KCNQ5: variants seen among roughly 807,000 people sequenced by gnomAD.
The protein encoded by KCNQ5 is potassium voltage-gated channel subfamily Q member 5, also known as potassium voltage-gated channel subfamily KQT member 5.
In KCNQ5, 30 loss-of-function variants were observed where a neutral mutation model predicts 98.2. That is an observed-to-expected ratio of 0.31 (90% CI 0.23 to 0.41). The LOEUF is 0.41. Among genes scored for constraint, KCNQ5 ranks in the 10% least tolerant of loss-of-function variants. The pLI is 1.00. For missense variants in KCNQ5, 835 were observed against 1,182.5 expected (o/e 0.71, Z 4.31); for synonymous variants, 458 against 449.4 (o/e 1.02, Z -0.24).
rs138409899 is a variant in KCNQ5 at position 72,734,235 on chromosome 6, T to A, written c.398+111648T>A. On this transcript the variant is annotated intron_variant, in intron 1 of 13. Coordinates refer to ENST00000370398, the MANE Select transcript of KCNQ5 (RefSeq NM_019842.4). The stretch of plus-strand genomic sequence containing the variant: ...CAAGTTCAAGACTGAAAAATGTTAT[T>A]TAATTGAATGTTAAATTGTTATTGC... 3.9e-3 allele frequency among the ~76,000 whole-genome samples: 593 copies of A among 152,346 alleles called. 4 individuals are homozygous for A. Among genetic ancestry groups the A allele is most frequent in the African/African-American group, 0.014 (563 of 41,580 alleles).
chr6:72,936,132 C>T (rs1159246031), intron 1 of KCNQ5, among the ~76,000 whole-genome samples: 1 of 152,108 alleles, frequency 6.6e-6, no homozygotes, highest in African/African-American at 2.4e-5. Context: ...GTCTGAGAGT[C>T]TTCTCAAACT....
chr6:73,180,086 T>C (rs942066485), intron 11 of KCNQ5, among the ~76,000 whole-genome samples: 1 of 152,210 alleles, frequency 6.6e-6, no homozygotes, highest in Non-Finnish European at 1.5e-5. Flanking sequence ...GGAGCTTATC[T>C]AGAGAGCTCC....
intron 1 of KCNQ5, among the ~76,000 whole-genome samples, chr6:72,913,868 G>A (rs1780035474): frequency 6.6e-6 from 1 of 152,194 alleles, no homozygotes; most frequent in Non-Finnish European, 1.5e-5. Context: ...ATAAAGAGTG[G>A]ACAGTCCTGA....
chr6:72,895,633 A>C (rs969684714), intron 1 of KCNQ5, among the ~76,000 whole-genome samples: 1 of 149,956 alleles, frequency 6.7e-6, no homozygotes, highest in African/African-American at 2.4e-5. Context: ...CCACTGAGGA[A>C]TATGTATAAT....
chr6:72,986,148 T>C (rs1323288521), intron 1 of KCNQ5, among the ~76,000 whole-genome samples: 1 of 152,148 alleles, frequency 6.6e-6, no homozygotes, highest in Non-Finnish European at 1.5e-5. Flanking sequence ...GAGAATCGCT[T>C]GAACCCAGCA....
chr6:72,639,106 T>C (rs1490290027), intron 1 of KCNQ5, among the ~76,000 whole-genome samples: 2 of 152,092 alleles, frequency 1.3e-5, no homozygotes, highest in Non-Finnish European at 1.5e-5. Flanking sequence ...GTTACCAATG[T>C]AGAGTGATGG....
chr6:72,917,459 A>AT (rs574274269), intron 1 of KCNQ5, among the ~76,000 whole-genome samples: 2 of 107,840 alleles, frequency 1.9e-5, no homozygotes, highest in East Asian at 4.0e-4. Flanking sequence ...TTTTATTTTT[A>AT]TTTTATTTTA....
chr6:73,118,046 GTTT>G (rs11340160), intron 7 of KCNQ5, among the ~76,000 whole-genome samples: 1 of 152,000 alleles, frequency 6.6e-6, no homozygotes, highest in Non-Finnish European at 1.5e-5. Context: ...TATTTTTCTA[GTTT>G]TTTTATGTCA....
intron 1 of KCNQ5, among the ~76,000 whole-genome samples, chr6:72,719,370 A>G (rs553451560): frequency 1.3e-5 from 2 of 152,282 alleles, no homozygotes; most frequent in African/African-American, 2.4e-5. Context: ...CCCCTCTCTC[A>G]TGGGTTTCTC....
At chr6:73,075,531 T>G (rs962992273) in intron 3 of KCNQ5, among the ~76,000 whole-genome samples, 1 of 152,068 alleles carries the variant, frequency 6.6e-6, no homozygotes, top group Non-Finnish European at 1.5e-5. Context: ...TAGTCTCAAA[T>G]TTTTTTCCTA....
intron 1 of KCNQ5, among the ~76,000 whole-genome samples, chr6:72,683,095 G>A (rs1469702343): frequency 1.3e-5 from 2 of 152,136 alleles, no homozygotes; most frequent in African/African-American, 4.8e-5. Context: ...TGCTTCACCT[G>A]TTTTACCACA....
chr6:72,689,103 G>A (rs929524792), intron 1 of KCNQ5, among the ~76,000 whole-genome samples: 1 of 152,180 alleles, frequency 6.6e-6, no homozygotes, highest in African/African-American at 2.4e-5. Flanking sequence ...CCTATTTGCA[G>A]TTAATTTTGA....
intron 1 of KCNQ5, among the ~76,000 whole-genome samples, chr6:72,997,367 T>C (rs1162626890): frequency 6.6e-6 from 1 of 152,014 alleles, no homozygotes; most frequent in Non-Finnish European, 1.5e-5. Flanking sequence ...TTTAAAGAAA[T>C]ACTCTAAGCA....
intron 11 of KCNQ5, among the ~76,000 whole-genome samples, chr6:73,181,069 A>G (rs975134388): frequency 2.0e-5 from 3 of 152,190 alleles, no homozygotes; most frequent in Non-Finnish European, 2.9e-5. Context: ...ATAAGTGCAC[A>G]TGTGTTCGTG....
intron 10 of KCNQ5, chr6:73,158,215 T>G (rs6453648): frequency 4.4e-6 from 1 of 227,906 alleles, no homozygotes; most frequent in Non-Finnish European, 8.7e-6. Context: ...CCCAGCGTTG[T>G]GTGGGCATGG....
At chr6:73,119,573 CCTGTTT>C (rs1393917315) in intron 7 of KCNQ5, among the ~76,000 whole-genome samples, 1 of 152,176 alleles carries the variant, frequency 6.6e-6, no homozygotes, top group Non-Finnish European at 1.5e-5. Context: ...TTTTCCCCAT[CCTGTTT>C]TAGTTCTGCT....
intron 1 of KCNQ5, among the ~76,000 whole-genome samples, chr6:72,640,009 A>G (rs1040941387): frequency 1.3e-5 from 2 of 152,186 alleles, no homozygotes; most frequent in African/African-American, 4.8e-5. Context: ...ACATTAAGAG[A>G]TAAATAACGC....
At chr6:72,654,859 GA>G (rs1162988978) in intron 1 of KCNQ5, among the ~76,000 whole-genome samples, 1 of 151,998 alleles carries the variant, frequency 6.6e-6, no homozygotes, top group Non-Finnish European at 1.5e-5. Flanking sequence ...ATTGTTCAAT[GA>G]ACAAAGAAAA....
chr6:73,115,664 T>A (rs932186757), intron 7 of KCNQ5, among the ~76,000 whole-genome samples: 2 of 152,198 alleles, frequency 1.3e-5, no homozygotes, highest in African/African-American at 2.4e-5. Flanking sequence ...GAACTCTATA[T>A]CCAGCCAAAC....
Sources: allele counts gnomAD v4.1 joint callset (sites outside exome capture counted in the v4.1 genomes callset), GRCh38; gene constraint gnomAD v4.1.1; transcripts MANE v1.5; gene names NCBI Gene and HGNC (gene_info 2026-07-23, HGNC 2026-07-21).